The following SLC35F3 variants were observed in gnomAD, a reference collection of about 807,000 sequenced individuals.
The protein encoded by SLC35F3 is solute carrier family 35 member F3, also known as putative thiamine transporter SLC35F3.
In SLC35F3, 25 loss-of-function variants were observed where a neutral mutation model predicts 49.9. The observed-to-expected ratio is 0.50, with a 90% confidence interval of 0.37 to 0.70. The LOEUF (loss-of-function observed/expected upper bound fraction) is 0.70, where lower values mean the gene tolerates loss of function less well. SLC35F3 is among the 30% of genes least tolerant of loss of function. SLC35F3 has a pLI of 0.00. For synonymous variants in SLC35F3, 275 were observed against 265.4 expected (o/e 1.04, Z -0.35); for missense variants, 525 against 639.8 (o/e 0.82, Z 1.94).
intron 2 of SLC35F3, among the ~76,000 whole-genome samples, chr1:234,175,353 A>G (rs1666460572): frequency 6.6e-6 from 1 of 152,226 alleles, no homozygotes. Context: ...CTTAAATGCT[A>G]TCTGCATTTC....
At chr1:234,150,154 T>TA (rs1012151826) in intron 2 of SLC35F3, among the ~76,000 whole-genome samples, 77 of 152,380 alleles carry the variant, frequency 5.1e-4, no homozygotes, top group African/African-American at 1.8e-3. Context: ...ATTTATCCTC[T>TA]AAAGGTTCAG....
intron 3 of SLC35F3, among the ~76,000 whole-genome samples, chr1:234,232,225 T>C (rs901885350): frequency 6.6e-6 from 1 of 152,184 alleles, no homozygotes; most frequent in Admixed American, 6.5e-5. Flanking sequence ...TGTAATTGCA[T>C]GGGTCTGAAT....
intron 2 of SLC35F3, among the ~76,000 whole-genome samples, chr1:234,124,393 G>C (rs1485043903): frequency 2.6e-5 from 4 of 152,208 alleles, no homozygotes; most frequent in Non-Finnish European, 4.4e-5. Context: ...GAATAGAGAA[G>C]ATTTAGGGAG....
At chr1:234,221,987 A>G (rs192841115) in intron 2 of SLC35F3, among the ~76,000 whole-genome samples, 10 of 152,342 alleles carry the variant, frequency 6.6e-5, no homozygotes, top group African/African-American at 2.2e-4. Flanking sequence ...AGGAATTGAG[A>G]CCAGGAACAA....
intron 2 of SLC35F3, among the ~76,000 whole-genome samples, chr1:234,066,410 T>C (rs1468267607): frequency 6.6e-6 from 1 of 152,080 alleles, no homozygotes; most frequent in African/African-American, 2.4e-5. Context: ...CCAACTACGC[T>C]GGCCTCATTG....
At chr1:234,290,350 T>C (rs1330083578) in intron 3 of SLC35F3, among the ~76,000 whole-genome samples, 2 of 152,220 alleles carry the variant, frequency 1.3e-5, no homozygotes, top group Middle Eastern at 6.3e-3. Context: ...TATAAATTTT[T>C]AGAATATAAA....
chr1:233,961,412 G>A lies in SLC35F3; in HGVS notation c.283+55654G>A, dbSNP rs369686954. 1.1e-4 allele frequency among the ~76,000 whole-genome samples: 16 copies of A among 149,384 alleles called. No individual in the cohort carries two copies. In the East Asian group the frequency reaches 2.4e-3, roughly 22 times the overall value. On this transcript the variant is annotated intron_variant, in intron 2 of 7. Transcript: ENST00000366618. Reference sequence around the variant, plus strand: ...CTTGCGTTTCCACCTCCCAAATCCCGACTGACGTGTCCTCATTTCAGCTTT... The same window carrying A: ...CTTGCGTTTCCACCTCCCAAATCCCAACTGACGTGTCCTCATTTCAGCTTT...
intron 3 of SLC35F3, among the ~76,000 whole-genome samples, chr1:234,249,849 G>A (rs1027684320): frequency 6.6e-6 from 1 of 152,256 alleles, no homozygotes; most frequent in Non-Finnish European, 1.5e-5. Context: ...CCCGAAGTGT[G>A]TTCCACACAA....
intron 2 of SLC35F3, among the ~76,000 whole-genome samples, chr1:234,028,982 G>T (rs534981236): frequency 6.6e-6 from 1 of 152,342 alleles, no homozygotes; most frequent in South Asian, 2.1e-4. Flanking sequence ...ATGAACTCAG[G>T]CATGAGGGAC....
chr1:233,920,974 AC>A (rs775967106), intron 2 of SLC35F3, among the ~76,000 whole-genome samples: 1 of 152,208 alleles, frequency 6.6e-6, no homozygotes, highest in Non-Finnish European at 1.5e-5. Context: ...GCTTTGTGAT[AC>A]CCTAAACAGA....
In SLC35F3 at chr1:234,143,349, C is replaced by G. The variant is rs1348064900; in HGVS notation, c.284-88068C>G. Among the ~76,000 whole-genome samples, 8 of 144,878 alleles carry G rather than the reference C, an allele frequency of 5.5e-5. No homozygotes were observed. The East Asian group carries it at 1.7e-3, about 31-fold the overall frequency. ...TGTGGCCCAGGCTGGAGTGCAGTGG[C>G]GTGATTTTGGCTCATTGCAATCTCC... On this transcript the variant is annotated intron_variant, in intron 2 of 7. Transcript: ENST00000366618.
At chr1:234,170,646 A>G (rs890188688) in intron 2 of SLC35F3, among the ~76,000 whole-genome samples, 1 of 152,142 alleles carries the variant, frequency 6.6e-6, no homozygotes, top group Non-Finnish European at 1.5e-5. Context: ...ATTTAACTTT[A>G]TAAGTGCAGC....
chr1:234,132,895 G>A (rs1465856596), intron 2 of SLC35F3, among the ~76,000 whole-genome samples: 1 of 152,204 alleles, frequency 6.6e-6, no homozygotes, highest in Non-Finnish European at 1.5e-5. Context: ...AGAAACAGCA[G>A]CTAACAACTA....
chr1:234,114,804 G>C (rs1665459688), intron 2 of SLC35F3, among the ~76,000 whole-genome samples: 1 of 152,106 alleles, frequency 6.6e-6, no homozygotes, highest in Admixed American at 6.5e-5. Context: ...TATAATTTAA[G>C]CATGGCTTCC....
chr1:234,320,100 T>G lies in SLC35F3; in HGVS notation c.1150T>G (p.Phe384Val), dbSNP rs1383718450. 6.3e-7 allele frequency: 1 copy of G among 1,598,348 alleles called. No individual in the cohort carries two copies. The highest frequency in any genetic ancestry group is 1.1e-5 in the South Asian group (1 of 90,752). The change falls in exon 7 of 8, where the codon TTC becomes GTC. Residue 384 changes from phenylalanine (F) to valine (V), a missense_variant and splice_region_variant. Physicochemically the swap from Phe to Val is conservative, Grantham distance 50 (BLOSUM62 -1). Coordinates refer to ENST00000366618, the MANE Select transcript of SLC35F3 (RefSeq NM_173508.4). This position sits in a 1 kb window ranked among gnomAD's most constrained non-coding sequence, Gnocchi z 4.8. ...LCGFSVLLLTFNIVLNFGIAV... is the reference protein window; with the variant it reads ...LCGFSVLLLTVNIVLNFGIAV... ...GTTGTTTACATTCTTTATTTCAGCATTCAATATTGTATTAAATTTTGGAAT... is the reference window on the plus strand; with the variant it reads ...GTTGTTTACATTCTTTATTTCAGCAGTCAATATTGTATTAAATTTTGGAAT...
chr1:234,002,657 A>G (rs1413745413), intron 2 of SLC35F3, among the ~76,000 whole-genome samples: 2 of 152,126 alleles, frequency 1.3e-5, no homozygotes, highest in South Asian at 4.1e-4. Context: ...AGATTCCCCC[A>G]CTATAAAGTT....
At chr1:234,004,705 T>G (rs935342256) in intron 2 of SLC35F3, among the ~76,000 whole-genome samples, 1 of 152,144 alleles carries the variant, frequency 6.6e-6, no homozygotes, top group African/African-American at 2.4e-5. Context: ...ACCATACTTA[T>G]CAAAATTCCA....
At chr1:233,987,725 T>TTC (rs1251626790) in intron 2 of SLC35F3, among the ~76,000 whole-genome samples, 2 of 152,066 alleles carry the variant, frequency 1.3e-5, no homozygotes, top group Admixed American at 1.3e-4. Context: ...ATTTTCCCTC[T>TTC]TCTCTCTCTC....
intron 2 of SLC35F3, among the ~76,000 whole-genome samples, chr1:233,988,599 T>C (rs1663303782): frequency 6.6e-6 from 1 of 152,208 alleles, no homozygotes; most frequent in Non-Finnish European, 1.5e-5. Flanking sequence ...ACATGCTCTT[T>C]CCATCCTCCA....
Sources: allele counts gnomAD v4.1 joint callset (sites outside exome capture counted in the v4.1 genomes callset), GRCh38; gene constraint gnomAD v4.1.1; non-coding constraint Gnocchi (gnomAD v3.1); transcripts MANE v1.5; gene names NCBI Gene and HGNC (gene_info 2026-07-23, HGNC 2026-07-21).